The following UNC13B variants were observed in gnomAD, a reference collection of about 807,000 sequenced individuals.
The protein encoded by UNC13B is unc-13 homolog B, also known as protein unc-13 homolog B.
Under a neutral mutation model 211.0 loss-of-function variants are expected in UNC13B, and 144 were observed. That is an observed-to-expected ratio of 0.68 (90% CI 0.60 to 0.78). The LOEUF (loss-of-function observed/expected upper bound fraction) is 0.78. Among genes scored for constraint, UNC13B ranks in the 30% least tolerant of loss-of-function variants. UNC13B has a pLI of 0.00. For synonymous variants in UNC13B, 709 were observed against 725.8 expected, an observed-to-expected ratio of 0.98 and a Z score of 0.37; for missense variants, 1,777 against 2,002.0, an observed-to-expected ratio of 0.89 and a Z score of 2.14.
intron 1 of UNC13B, among the ~76,000 whole-genome samples, chr9:35,193,638 A>C (rs983539154): frequency 1.4e-5 from 2 of 147,106 alleles, no homozygotes; most frequent in Non-Finnish European, 3.0e-5. Flanking sequence ...AGCCTGGGTG[A>C]CAGAGCAAGA....
chr9:35,387,281 C>T (rs1417619382), intron 24 of UNC13B, among the ~76,000 whole-genome samples: 1 of 152,160 alleles, frequency 6.6e-6, no homozygotes, highest in Admixed American at 6.5e-5. Context: ...CCAATGATGG[C>T]AGGACAACCT....
At chr9:35,354,208 T>C (rs960493698) in intron 11 of UNC13B, among the ~76,000 whole-genome samples, 2 of 152,136 alleles carry the variant, frequency 1.3e-5, no homozygotes, top group African/African-American at 4.8e-5. Flanking sequence ...ATGACACATA[T>C]TTGCTCACAG....
intron 25 of UNC13B, among the ~76,000 whole-genome samples, 174 bp downstream of exon 25, chr9:35,390,147 G>A (rs2132307638): frequency 6.6e-6 from 1 of 152,274 alleles, no homozygotes; most frequent in East Asian, 1.9e-4. Flanking sequence ...GACAGGTGTG[G>A]AAACATAATG....
chr9:35,175,433 A>G (rs189526522), intron 1 of UNC13B, among the ~76,000 whole-genome samples: 1 of 152,332 alleles, frequency 6.6e-6, no homozygotes, highest in African/African-American at 2.4e-5. Context: ...AGGAGTTGAT[A>G]GATGTGGTCA....
intron 1 of UNC13B, among the ~76,000 whole-genome samples, chr9:35,166,343 T>C: frequency 6.6e-6 from 1 of 152,140 alleles, no homozygotes; most frequent in East Asian, 1.9e-4. Context: ...ATCATGCCAC[T>C]GTACTCCAGC....
chr9:35,376,537 A>G (rs1039086900), intron 15 of UNC13B, among the ~76,000 whole-genome samples: 2 of 152,326 alleles, frequency 1.3e-5, no homozygotes, highest in Admixed American at 1.3e-4. Flanking sequence ...TGAGCTTTGT[A>G]GTGTATACAG....
intron 10 of UNC13B, among the ~76,000 whole-genome samples, chr9:35,313,053 G>T (rs530228617): frequency 2.0e-5 from 3 of 152,280 alleles, no homozygotes; most frequent in African/African-American, 7.2e-5. Flanking sequence ...CAAGGGAACT[G>T]ATCGTTTTAA....
intron 11 of UNC13B, among the ~76,000 whole-genome samples, chr9:35,340,928 A>G (rs1831953849): frequency 6.6e-6 from 1 of 152,226 alleles, no homozygotes; most frequent in Non-Finnish European, 1.5e-5. Context: ...TGCAGTGAAC[A>G]ACTTGAGTGT....
intron 25 of UNC13B, 130 bp from the exon 26 acceptor site, chr9:35,390,499 C>A: frequency 9.7e-7 from 1 of 1,030,272 alleles, no homozygotes; most frequent in East Asian, 2.6e-5. Flanking sequence ...CCAGATTGGA[C>A]CTAGCCCTGT....
At chr9:35,171,396 C>T (rs1278856582) in intron 1 of UNC13B, among the ~76,000 whole-genome samples, 1 of 152,128 alleles carries the variant, frequency 6.6e-6, no homozygotes, top group East Asian at 1.9e-4. Context: ...GCCACCATGC[C>T]TGGTCTCAAG....
chr9:35,380,645 G>A lies in UNC13B; in HGVS notation c.10375+6G>A, dbSNP rs1464658649. On this transcript the variant is annotated splice_donor_region_variant and intron_variant, in intron 18 of 39. Transcript: ENST00000635942. ...GGACGTCTGGTACAACTTGGGTGAG[G>A]AAACTGGACCCGAGAAAGTTGCTTG... 1.2e-6 allele frequency: 2 copies of A among 1,613,998 alleles called. No homozygotes were observed. The highest frequency in any genetic ancestry group is 1.7e-6 in the Non-Finnish European group (2 of 1,179,994).
chr9:35,280,894 T>C (rs192649586), intron 7 of UNC13B, among the ~76,000 whole-genome samples: 33 of 152,330 alleles, frequency 2.2e-4, no homozygotes, highest in Admixed American at 2.2e-3. Context: ...AAGTTTCATT[T>C]GCTAGCAACA....
chr9:35,353,636 T>A, intron 11 of UNC13B: 1 of 1,232,050 alleles, frequency 8.1e-7, no homozygotes, highest in Admixed American at 4.2e-5. Flanking sequence ...CAGGCCTGGA[T>A]CTCCCAAGCA....
chr9:35,271,627 T>A (rs1483850173), intron 7 of UNC13B, among the ~76,000 whole-genome samples: 1 of 152,228 alleles, frequency 6.6e-6, no homozygotes, highest in East Asian at 1.9e-4. Context: ...TCAATAAGGA[T>A]AATATTTCTA....
At chr9:35,215,081 A>G (rs538188511) in intron 1 of UNC13B, among the ~76,000 whole-genome samples, 1 of 152,326 alleles carries the variant, frequency 6.6e-6, no homozygotes, top group East Asian at 1.9e-4. Context: ...AAGAAAGACT[A>G]TTGAGTAGAA....
At chr9:35,309,928 A>G (rs1419359769) in intron 9 of UNC13B, among the ~76,000 whole-genome samples, 1 of 152,244 alleles carries the variant, frequency 6.6e-6, no homozygotes, top group Non-Finnish European at 1.5e-5. Context: ...AGATGAGGAA[A>G]CTGAGATGAT....
At chr9:35,284,249 G>A (rs1828667505) in intron 7 of UNC13B, among the ~76,000 whole-genome samples, 1 of 152,116 alleles carries the variant, frequency 6.6e-6, no homozygotes, top group Non-Finnish European at 1.5e-5. Flanking sequence ...CTGGTTGACA[G>A]AGCAAGATTC....
chr9:35,275,195 A>G (rs1379537357), intron 7 of UNC13B, among the ~76,000 whole-genome samples: 1 of 152,088 alleles, frequency 6.6e-6, no homozygotes, highest in African/African-American at 2.4e-5. Context: ...GAAATGGGTA[A>G]ACTAGAGTTA....
At chr9:35,204,647 G>T (rs77170755) in intron 1 of UNC13B, among the ~76,000 whole-genome samples, 3,850 of 152,280 alleles carry the variant, frequency 0.025, 78 homozygotes, top group Non-Finnish European at 0.042. Context: ...TGGGACTTGC[G>T]TGGGGCCTAT....
Sources: gnomAD v4.1 joint callset for allele counts (sites outside exome capture counted in the v4.1 genomes callset) on GRCh38, gnomAD v4.1.1 for gene constraint, MANE v1.5 for transcripts, NCBI Gene and HGNC (gene_info 2026-07-23, HGNC 2026-07-21) for gene names.